NGF: variants seen among roughly 807,000 people sequenced by gnomAD.
The protein encoded by NGF is nerve growth factor, also known as beta-nerve growth factor.
Under a neutral mutation model 12.8 loss-of-function variants are expected in NGF, and 4 were observed. The ratio of observed to expected loss-of-function variants is 0.31; its 90% CI spans 0.15 to 0.72. The LOEUF is 0.72. NGF is among the 30% of genes least tolerant of loss of function. The pLI is 0.69. For missense variants in NGF, 283 were observed against 330.8 expected (o/e 0.86, Z 1.12); for synonymous variants, 140 against 130.0 (o/e 1.08, Z -0.52).
At chr1:115,307,419 C>CA (rs1413821604) in intron 1 of NGF, among the ~76,000 whole-genome samples, 1 of 152,028 alleles carries the variant, frequency 6.6e-6, no homozygotes, top group Non-Finnish European at 1.5e-5. Flanking sequence ...GAGAGAAAGA[C>CA]CAGAGAAAGA....
At chr1:115,297,691 C>G (rs959306280) in intron 1 of NGF, among the ~76,000 whole-genome samples, 2 of 152,188 alleles carry the variant, frequency 1.3e-5, no homozygotes, top group African/African-American at 4.8e-5. Flanking sequence ...ATCACCATCC[C>G]CCTAATCCCT....
At chr1:115,289,723 C>T (rs983571664) in intron 2 of NGF, among the ~76,000 whole-genome samples, 1 of 152,074 alleles carries the variant, frequency 6.6e-6, no homozygotes, top group Admixed American at 6.6e-5. Flanking sequence ...TCACAGCTAC[C>T]ATCTCTCTTG....
At position 115,337,267 on chromosome 1, in the gene NGF, G is replaced by GTTTGTTTTTTTTTTTTTTTTTTTTT; in HGVS notation, c.-137+936_-137+937insAAAAAAAAAAAAAAAAAAAAACAAA. ...TCGAAATTTTTTTTGTTTTGTTTTT[G>GTTTGTTTTTTTTTTTTTTTTTTTTT]TTTTTTTTTTTTTTTTTTTTTTTTT... is the stretch of plus-strand genomic sequence containing the variant. On this transcript the variant is annotated intron_variant, in intron 1 of 2. Coordinates refer to ENST00000369512, the MANE Select transcript of NGF (RefSeq NM_002506.3). 5.9e-4 allele frequency among the ~76,000 whole-genome samples: 48 copies of GTTTGTTTTTTTTTTTTTTTTTTTTT among 81,030 alleles called. 8 individuals carry two copies. The highest frequency in any genetic ancestry group is 2.6e-3 in the East Asian group (7 of 2,722). 53.2% of individuals were successfully genotyped at this position (81,030 alleles called of 152,430 possible).
At chr1:115,286,934 T>G in intron 2 of NGF, 127 bp from the exon 3 acceptor site, 2 of 1,168,294 alleles carry the variant, frequency 1.7e-6, no homozygotes, top group Non-Finnish European at 2.5e-6. Flanking sequence ...CCGGGGCACT[T>G]CTGAGAGGGA....
At chr1:115,332,477 AT>A (rs1654948426) in intron 1 of NGF, among the ~76,000 whole-genome samples, 1 of 151,804 alleles carries the variant, frequency 6.6e-6, no homozygotes, top group Non-Finnish European at 1.5e-5. Flanking sequence ...GCACAGATAC[AT>A]TAAAAACATA....
chr1:115,314,175 T>C (rs1466514430), intron 1 of NGF, among the ~76,000 whole-genome samples: 1 of 152,198 alleles, frequency 6.6e-6, no homozygotes, highest in Non-Finnish European at 1.5e-5. Context: ...TGCTGTAGTT[T>C]GTCTACACGG....
chr1:115,317,257 C>A (rs1654498314), intron 1 of NGF, among the ~76,000 whole-genome samples: 1 of 152,114 alleles, frequency 6.6e-6, no homozygotes, highest in African/African-American at 2.4e-5. Context: ...ATAAGCTGGG[C>A]AAGCAGTTCC....
At chr1:115,306,254 G>A (rs1200096777) in intron 1 of NGF, among the ~76,000 whole-genome samples, 6 of 152,234 alleles carry the variant, frequency 3.9e-5, no homozygotes, top group Non-Finnish European at 8.8e-5. Flanking sequence ...AATGCAAAGA[G>A]ATCGAATGTC....
At chr1:115,309,416 C>G (rs1184351692) in intron 1 of NGF, among the ~76,000 whole-genome samples, 1 of 152,150 alleles carries the variant, frequency 6.6e-6, no homozygotes, top group Non-Finnish European at 1.5e-5. Flanking sequence ...TTGAAATAAA[C>G]TATGAATAGC....
chr1:115,318,753 C>T (rs962596075), intron 1 of NGF, among the ~76,000 whole-genome samples: 1 of 152,186 alleles, frequency 6.6e-6, no homozygotes, highest in African/African-American at 2.4e-5. Flanking sequence ...ACTCTCCCAA[C>T]AGTAAGCCCT....
Position 115,286,414 on chromosome 1 carries a change from A to C in NGF, c.382T>G (p.Phe128Val). The change falls in exon 3 of 3, where the codon TTC becomes GTC. Residue 128 changes from phenylalanine to valine, a missense_variant. This residue lies in a region of NGF where 132 missense variants were observed against 189.2 expected (regional missense o/e 0.70). Transcript: ENST00000369512. ...RSKRSSSHPIFHRGEFSVCDS... is the reference protein window; with the variant it reads ...RSKRSSSHPIVHRGEFSVCDS... ...CACACCGAGAATTCGCCCCTGTGGA[A>C]GATGGGATGGGATGATGACCGCTTG... The C allele has an allele frequency of 6.2e-7, 1 of 1,613,812 alleles. No individual in the cohort carries two copies. Among genetic ancestry groups the C allele is most frequent in the Middle Eastern group, 1.6e-4 (1 of 6,062 alleles).
At chr1:115,290,618 T>C (rs1292385844) in intron 2 of NGF, among the ~76,000 whole-genome samples, 1 of 152,032 alleles carries the variant, frequency 6.6e-6, no homozygotes, top group Non-Finnish European at 1.5e-5. Flanking sequence ...ATGGTCTTGA[T>C]CTCTGATCTC....
chr1:115,295,267 G>T (rs1190941835), intron 1 of NGF, among the ~76,000 whole-genome samples: 3 of 152,124 alleles, frequency 2.0e-5, no homozygotes, highest in Admixed American at 1.3e-4. Context: ...ATTAAGCCCT[G>T]GGATGTCTCC....
In NGF at chr1:115,314,500, C is replaced by A. The variant is rs11102923; in HGVS notation, c.-136-20750G>T. On this transcript the variant is annotated intron_variant, in intron 1 of 2. Coordinates refer to ENST00000369512, the MANE Select transcript of NGF (RefSeq NM_002506.3). ...GATGATATGAACTGGATTTAAGTCA[C>A]AAAATCTGTGGCTAGTGCTTGGTAA... Among the ~76,000 whole-genome samples, 227 of 152,310 alleles carry A rather than the reference C, an allele frequency of 1.5e-3. 1 individual carries two copies. The highest frequency in any genetic ancestry group is 5.3e-3 in the African/African-American group (221 of 41,562).
intron 1 of NGF, among the ~76,000 whole-genome samples, chr1:115,312,374 G>A (rs1280794645): frequency 6.6e-6 from 1 of 152,102 alleles, no homozygotes; most frequent in East Asian, 1.9e-4. Flanking sequence ...CCAATCCCAT[G>A]CTAGGTACCA....
intron 1 of NGF, among the ~76,000 whole-genome samples, chr1:115,300,198 C>T (rs1484553240): frequency 6.6e-6 from 1 of 152,088 alleles, no homozygotes; most frequent in Non-Finnish European, 1.5e-5. Context: ...GACTATAATG[C>T]GATTCAGATG....
intron 1 of NGF, among the ~76,000 whole-genome samples, chr1:115,327,899 A>G (rs1006075229): frequency 5.3e-5 from 8 of 152,226 alleles, no homozygotes; most frequent in Non-Finnish European, 7.3e-5. Flanking sequence ...TGGCTTGGCG[A>G]CATTAATTTT....
At chr1:115,302,983 A>G (rs1187143931) in intron 1 of NGF, among the ~76,000 whole-genome samples, 1 of 152,048 alleles carries the variant, frequency 6.6e-6, no homozygotes, top group African/African-American at 2.4e-5. Context: ...AGCTATTTCA[A>G]CTTTTCCTTC....
intron 2 of NGF, among the ~76,000 whole-genome samples, chr1:115,292,382 T>C (rs1490375346): frequency 1.3e-5 from 2 of 152,194 alleles, no homozygotes; most frequent in Non-Finnish European, 2.9e-5. Context: ...TGTTACACTA[T>C]AGACTGCTGG....
Sources: gnomAD v4.1 joint callset for allele counts (sites outside exome capture counted in the v4.1 genomes callset) on GRCh38, gnomAD v4.1.1 for gene constraint, gnomAD v4.1.1 regional missense constraint, MANE v1.5 for transcripts, NCBI Gene and HGNC (gene_info 2026-07-23, HGNC 2026-07-21) for gene names.